Variants in NCOA3 observed in about 807,000 individuals in gnomAD.
The protein encoded by NCOA3 is nuclear receptor coactivator 3.
NCOA3 carries 51 observed loss-of-function variants against 158.8 expected under a neutral mutation model. That is an observed-to-expected ratio of 0.32 (90% CI 0.26 to 0.41). The LOEUF is 0.41. NCOA3 is among the 10% of genes least tolerant of loss of function. The pLI is 1.00. For missense variants in NCOA3, 1,510 were observed against 1,746.6 expected (o/e 0.86, Z 2.41); for synonymous variants, 537 against 592.4 (o/e 0.91, Z 1.36).
chr20:47,546,999 A>C (rs1568671879), intron 1 of NCOA3, among the ~76,000 whole-genome samples: 1 of 152,062 alleles, frequency 6.6e-6, no homozygotes, highest in Non-Finnish European at 1.5e-5. Flanking sequence ...TTAAAGTCTC[A>C]ATTCTTACAC....
At position 47,639,702 on chromosome 20, in the gene NCOA3, T is replaced by G. The variant is rs200646243; in HGVS notation, c.2833T>G (p.Tyr945Asp). 4 of 1,614,112 alleles carry G rather than the reference T, an allele frequency of 2.5e-6. No individual in the cohort carries two copies. The highest frequency in any genetic ancestry group is 4.5e-5 in the East Asian group (2 of 44,888). The part of the protein sequence containing the change: ...SNSMGRPGGD[Y>D]NTSLPRPALG... ...CTCCATGGGAAGACCAGGAGGAGAT[T>G]ATAATACTTCTTTACCCAGACCTGC... Residue 945 changes from tyrosine to aspartate, a missense_variant, in exon 15 of 23, where the codon TAT becomes GAT. By Grantham distance (160) the Tyr-to-Asp change is radical. Around this residue, in one of 4 missense-constraint regions of NCOA3, gnomAD observed 1,017 missense variants for 1,098.3 expected, o/e 0.93. Transcript: ENST00000371998.
chr20:47,544,216 G>GT (rs913995717), intron 1 of NCOA3, among the ~76,000 whole-genome samples: 1 of 111,396 alleles, frequency 9.0e-6, no homozygotes, highest in African/African-American at 3.3e-5. Flanking sequence ...TCTCCCTTTT[G>GT]TTTTTTTGGG....
At chr20:47,595,321 C>T (rs2085735622) in intron 2 of NCOA3, among the ~76,000 whole-genome samples, 3 of 152,130 alleles carry the variant, frequency 2.0e-5, no homozygotes, top group South Asian at 4.2e-4. Context: ...TGGTCTCAAA[C>T]TTCTGACCTC....
intron 17 of NCOA3, among the ~76,000 whole-genome samples, chr20:47,643,343 C>A (rs1037267362): frequency 3.9e-5 from 6 of 152,240 alleles, no homozygotes; most frequent in African/African-American, 1.4e-4. Flanking sequence ...TGGAAGTACA[C>A]TGCCATGTGG....
intron 1 of NCOA3, among the ~76,000 whole-genome samples, chr20:47,541,007 T>A (rs1323093656): frequency 2.0e-5 from 3 of 152,152 alleles, no homozygotes; most frequent in African/African-American, 7.2e-5. Context: ...TTAATTTTTT[T>A]AAATCTCCAT....
chr20:47,611,177 G>C (rs750407275), intron 2 of NCOA3, among the ~76,000 whole-genome samples: 5 of 152,112 alleles, frequency 3.3e-5, no homozygotes, highest in Non-Finnish European at 7.4e-5. Context: ...AAGAGAATGG[G>C]GCATATGCTG....
chr20:47,553,848 G>A (rs1234513466), intron 1 of NCOA3, among the ~76,000 whole-genome samples: 57 of 152,048 alleles, frequency 3.7e-4, no homozygotes, highest in Admixed American at 3.3e-3. Context: ...GAATAGTGCC[G>A]CAATAAACAT....
intron 1 of NCOA3, among the ~76,000 whole-genome samples, chr20:47,523,101 G>A (rs905632995): frequency 1.3e-5 from 2 of 152,138 alleles, no homozygotes; most frequent in Non-Finnish European, 2.9e-5. Flanking sequence ...CAGGAGAATG[G>A]CATAAACCCG....
intron 1 of NCOA3, among the ~76,000 whole-genome samples, chr20:47,568,583 C>T (rs975364419): frequency 1.3e-5 from 2 of 152,082 alleles, no homozygotes; most frequent in African/African-American, 2.4e-5. Context: ...ATCCCTTTAG[C>T]TCCATGAGAC....
At chr20:47,530,877 GTGTTATTA>G (rs2084533817) in intron 1 of NCOA3, among the ~76,000 whole-genome samples, 1 of 152,164 alleles carries the variant, frequency 6.6e-6, no homozygotes, top group African/African-American at 2.4e-5. Context: ...GGCAAACAAG[GTGTTATTA>G]TCCAACTTTT....
At chr20:47,552,628 T>C (rs2084941506) in intron 1 of NCOA3, among the ~76,000 whole-genome samples, 1 of 152,224 alleles carries the variant, frequency 6.6e-6, no homozygotes. Context: ...TAATTTTCCT[T>C]GTCCTTACTT....
intron 1 of NCOA3, among the ~76,000 whole-genome samples, chr20:47,516,240 G>T (rs531157083): frequency 1.3e-5 from 2 of 152,314 alleles, no homozygotes; most frequent in South Asian, 4.1e-4. Flanking sequence ...AGATGGTGGG[G>T]GGATGGTGAT....
chr20:47,614,034 C>T (rs2086090561), intron 2 of NCOA3, among the ~76,000 whole-genome samples: 1 of 152,010 alleles, frequency 6.6e-6, no homozygotes, highest in South Asian at 2.1e-4. Context: ...GAAGAGTCAT[C>T]CACTTGAGGA....
At chr20:47,573,734 C>G (rs987765047) in intron 1 of NCOA3, among the ~76,000 whole-genome samples, 3 of 152,104 alleles carry the variant, frequency 2.0e-5, no homozygotes, top group Non-Finnish European at 2.9e-5. Context: ...TTAATTTTAC[C>G]CTTTGTCTTT....
intron 11 of NCOA3, 60 bp downstream of exon 11, chr20:47,635,773 C>A: frequency 6.6e-7 from 1 of 1,509,342 alleles, no homozygotes; most frequent in Admixed American, 2.1e-5. Flanking sequence ...TCTTTCCATA[C>A]TACTATAATT....
At chr20:47,566,480 C>T (rs2085197098) in intron 1 of NCOA3, among the ~76,000 whole-genome samples, 1 of 151,880 alleles carries the variant, frequency 6.6e-6, no homozygotes, top group Non-Finnish European at 1.5e-5. Flanking sequence ...AAATTACTTT[C>T]TTCTCCCTCT....
intron 1 of NCOA3, among the ~76,000 whole-genome samples, chr20:47,582,820 A>AGT (rs1055539760): frequency 7.9e-5 from 12 of 152,078 alleles, no homozygotes; most frequent in Admixed American, 7.9e-4. Flanking sequence ...TTTGAGAGAG[A>AGT]ATCTCGCTCT....
In NCOA3 at chr20:47,647,191, G is replaced by A; in HGVS notation, c.3371G>A (p.Gly1124Glu). 2 of 1,614,158 alleles carry A rather than the reference G, an allele frequency of 1.2e-6. No individual in the cohort carries two copies. Among genetic ancestry groups the A allele is most frequent in the South Asian group, 2.2e-5 (2 of 91,082 alleles). Residue 1124 changes from glycine (G) to glutamate (E), a missense_variant, in exon 18 of 23, where the codon GGA becomes GAA. Physicochemically the swap from Gly to Glu is moderately conservative, Grantham distance 98 (BLOSUM62 -2). Coordinates refer to ENST00000371998, the MANE Select transcript of NCOA3 (RefSeq NM_181659.3). ...TYPAQGPPMQ[G>E]GFHLQGQSPS... ...CCAGCACAGGGGCCTCCAATGCAAG[G>A]AGGCTTTCATCTTCAGGGACAATCA...
At chr20:47,598,943 T>A (rs2146256247) in intron 2 of NCOA3, among the ~76,000 whole-genome samples, 1 of 152,356 alleles carries the variant, frequency 6.6e-6, no homozygotes, top group Non-Finnish European at 1.5e-5. Flanking sequence ...ACCTTTTCTA[T>A]GTTTAGATAT....
Sources: gnomAD v4.1 joint callset for allele counts (sites outside exome capture counted in the v4.1 genomes callset) on GRCh38, gnomAD v4.1.1 for gene constraint, gnomAD v4.1.1 regional missense constraint, MANE v1.5 for transcripts, NCBI Gene and HGNC (gene_info 2026-07-23, HGNC 2026-07-21) for gene names.